The following MCF2L2 variants were observed in gnomAD, a reference collection of about 807,000 sequenced individuals.
MCF2L2 encodes the protein MCF.2 cell line derived transforming sequence-like 2.
A neutral mutation model predicts 150.2 loss-of-function variants in MCF2L2; 102 were observed. The observed-to-expected ratio is 0.68, with a 90% CI of 0.58 to 0.80. The LOEUF is 0.80. MCF2L2 is among the 30% of genes least tolerant of loss of function. MCF2L2 has a pLI of 0.00. For missense variants in MCF2L2, 1,256 were observed against 1,372.8 expected, an observed-to-expected ratio of 0.91 and a Z score of 1.34; for synonymous variants, 465 against 491.3, an observed-to-expected ratio of 0.95 and a Z score of 0.71.
At chr3:183,245,054 G>A (rs908510178) in intron 15 of MCF2L2, among the ~76,000 whole-genome samples, 7 of 152,058 alleles carry the variant, frequency 4.6e-5, no homozygotes, top group Non-Finnish European at 8.8e-5. Flanking sequence ...CAAAGGGCTG[G>A]ATTAGATAAA....
At chr3:183,337,955 TGTTTTA>T (rs1730553731) in intron 5 of MCF2L2, among the ~76,000 whole-genome samples, 1 of 152,232 alleles carries the variant, frequency 6.6e-6, no homozygotes, top group African/African-American at 2.4e-5. Context: ...AAATTTTGAA[TGTTTTA>T]GTTTTAATTT....
intron 22 of MCF2L2, among the ~76,000 whole-genome samples, chr3:183,214,949 C>A (rs1035520780): frequency 6.6e-6 from 1 of 152,050 alleles, no homozygotes; most frequent in Non-Finnish European, 1.5e-5. Context: ...GAGCTGAGAT[C>A]ATGCCATTAC....
At chr3:183,427,044 A>T (rs1716198372) in intron 1 of MCF2L2, among the ~76,000 whole-genome samples, 1 of 152,362 alleles carries the variant, frequency 6.6e-6, no homozygotes, top group Non-Finnish European at 1.5e-5. Flanking sequence ...GCTGATTTGC[A>T]TTCATGGGAG....
chr3:183,281,150 G>A (rs1727453736), intron 14 of MCF2L2, among the ~76,000 whole-genome samples: 1 of 152,096 alleles, frequency 6.6e-6, no homozygotes, highest in South Asian at 2.1e-4. Context: ...TGTCAAGTAA[G>A]AATCAATAAT....
At chr3:183,343,577 T>A (rs1485155381) in intron 3 of MCF2L2, among the ~76,000 whole-genome samples, 1 of 151,916 alleles carries the variant, frequency 6.6e-6, no homozygotes, top group Non-Finnish European at 1.5e-5. Flanking sequence ...ACCATGTTGG[T>A]TAGGCTGGTC....
intron 15 of MCF2L2, among the ~76,000 whole-genome samples, chr3:183,244,638 C>T (rs1382907193): frequency 6.6e-6 from 1 of 152,164 alleles, no homozygotes; most frequent in Admixed American, 6.5e-5. Flanking sequence ...CAGCTCATCT[C>T]TTCATTTTAC....
chr3:183,257,806 T>C (rs1168360056), intron 15 of MCF2L2, among the ~76,000 whole-genome samples: 3 of 152,110 alleles, frequency 2.0e-5, no homozygotes, highest in Non-Finnish European at 4.4e-5. Flanking sequence ...GATCTCCTTT[T>C]TTCCGTTTTT....
intron 7 of MCF2L2, among the ~76,000 whole-genome samples, chr3:183,315,325 T>C (rs779075627): frequency 7.9e-5 from 12 of 152,208 alleles, no homozygotes; most frequent in Non-Finnish European, 1.6e-4. Flanking sequence ...ATATTCTTAA[T>C]CGAGGTAAAC....
At chr3:183,213,702 C>T (rs1319350945) in intron 22 of MCF2L2, among the ~76,000 whole-genome samples, 1 of 152,094 alleles carries the variant, frequency 6.6e-6, no homozygotes, top group Admixed American at 6.5e-5. Context: ...TGGAATAGCA[C>T]CCTGATAGGG....
In MCF2L2 at chr3:183,179,456, C is replaced by T. The variant is rs763945848; in HGVS notation, c.3269G>A (p.Arg1090Gln). 1.9e-6 allele frequency: 3 copies of T among 1,593,792 alleles called. No homozygotes were observed. Among genetic ancestry groups the T allele is most frequent in the Non-Finnish European group, 2.6e-6 (3 of 1,169,376 alleles). ...EEERAGASTG[R>Q]LAPAGATAGF... ...AGCCGTCGCCCCCGCAGGAGCCAGCCGGCCCGTGGACGCCCCAGCGCGCTC... is the reference window on the plus strand; with the variant it reads ...AGCCGTCGCCCCCGCAGGAGCCAGCTGGCCCGTGGACGCCCCAGCGCGCTC... Residue 1090 changes from arginine to glutamine, a missense_variant, in exon 30 of 30, where the codon CGG becomes CAG. Transcript: ENST00000328913. This position sits in a 1 kb window ranked among gnomAD's most constrained non-coding sequence, Gnocchi z 4.2.
chr3:183,221,057 T>C (rs886765279), intron 20 of MCF2L2, among the ~76,000 whole-genome samples: 11 of 152,200 alleles, frequency 7.2e-5, no homozygotes, highest in African/African-American at 2.7e-4. Context: ...AGCACATGTG[T>C]GCGAGATGCA....
chr3:183,397,947 C>G (rs1714552108), intron 1 of MCF2L2, among the ~76,000 whole-genome samples: 1 of 152,094 alleles, frequency 6.6e-6, no homozygotes, highest in Admixed American at 6.6e-5. Context: ...TACATCTATG[C>G]TACTGACAGG....
At chr3:183,339,726 C>T (rs1489042709) in intron 4 of MCF2L2, among the ~76,000 whole-genome samples, 2 of 152,132 alleles carry the variant, frequency 1.3e-5, no homozygotes, top group Admixed American at 6.5e-5. Context: ...GCTTTCCATT[C>T]TTCCAGTGGT....
intron 7 of MCF2L2, 61 bp downstream of exon 7, chr3:183,318,007 C>T: frequency 2.5e-6 from 4 of 1,580,252 alleles, no homozygotes; most frequent in East Asian, 2.3e-5. Flanking sequence ...CAGCTCTCTC[C>T]GAGAGGCAGG....
Position 183,428,223 on chromosome 3 carries a change from C to A in MCF2L2, c.-246G>T. The A allele has an allele frequency of 4.2e-6, 2 of 479,362 alleles. No homozygotes were observed. Among genetic ancestry groups the A allele is most frequent in the Non-Finnish European group, 7.3e-6 (2 of 272,676 alleles). The allele number at this position is 479,362 out of a possible 1,614,324, so 29.7% of individuals were successfully genotyped here. ...CGTCGCAGCTGGACCGAGAGAGGAG[C>A]GGCCGTTCTGCAAAAGGAAGCAAGT... On this transcript the variant is annotated 5_prime_UTR_variant, in exon 1 of 30. Coordinates refer to ENST00000328913, the MANE Select transcript of MCF2L2 (RefSeq NM_015078.4). The surrounding 1 kb of genome is among the most constrained non-coding windows in gnomAD (Gnocchi z 5.1).
At chr3:183,389,570 G>A (rs1577115343) in intron 2 of MCF2L2, 126 bp downstream of exon 2, 2 of 760,354 alleles carry the variant, frequency 2.6e-6, no homozygotes, top group Non-Finnish European at 4.5e-6. Context: ...GCCTGTTCTA[G>A]TCCCGGGTGA....
At chr3:183,324,074 G>T (rs1009447913) in intron 5 of MCF2L2, among the ~76,000 whole-genome samples, 1 of 152,172 alleles carries the variant, frequency 6.6e-6, no homozygotes, top group Admixed American at 6.5e-5. Flanking sequence ...AAAGCTGGTC[G>T]GGTAAATGTG....
At chr3:183,196,816 G>A (rs9826328) in intron 25 of MCF2L2, among the ~76,000 whole-genome samples, 3,786 of 152,124 alleles carry the variant, frequency 0.025, 142 homozygotes, top group African/African-American at 0.086. Flanking sequence ...TCTAAACCAC[G>A]TGCTGGGTCC....
At chr3:183,361,594 C>T (rs1183951289) in intron 3 of MCF2L2, among the ~76,000 whole-genome samples, 1 of 152,194 alleles carries the variant, frequency 6.6e-6, no homozygotes, top group Non-Finnish European at 1.5e-5. Flanking sequence ...TTTCCTGAGG[C>T]CTCCCAGCCA....
Sources: allele counts gnomAD v4.1 joint callset (sites outside exome capture counted in the v4.1 genomes callset), GRCh38; gene constraint gnomAD v4.1.1; non-coding constraint Gnocchi (gnomAD v3.1); transcripts MANE v1.5; gene names NCBI Gene and HGNC (gene_info 2026-07-23, HGNC 2026-07-21).